SLC25A21: variants seen among roughly 807,000 people sequenced by gnomAD.
The protein encoded by SLC25A21 is mitochondrial 2-oxodicarboxylate carrier.
In SLC25A21, 47 loss-of-function variants were observed where a neutral mutation model predicts 43.8. The ratio of observed to expected loss-of-function variants is 1.07; its 90% CI spans 0.85 to 1.37. SLC25A21 has a LOEUF of 1.37. Ranked by LOEUF, SLC25A21 falls within the 40% of genes most tolerant of loss-of-function variation. The pLI is 0.00. For missense variants in SLC25A21, 352 were observed against 350.2 expected, an observed-to-expected ratio of 1.00 and a Z score of -0.04; for synonymous variants, 131 against 121.3, an observed-to-expected ratio of 1.08 and a Z score of -0.52.
At chr14:37,129,527 C>T (rs192563810) in intron 1 of SLC25A21, among the ~76,000 whole-genome samples, 1 of 152,274 alleles carries the variant, frequency 6.6e-6, no homozygotes, top group Admixed American at 6.5e-5. Context: ...CGTAATCCTA[C>T]ACTTGCAAAC....
chr14:37,072,505 G>C (rs764060983), intron 1 of SLC25A21, among the ~76,000 whole-genome samples: 1 of 152,116 alleles, frequency 6.6e-6, no homozygotes, highest in Non-Finnish European at 1.5e-5. Context: ...AATGTCTCAC[G>C]CCTGTAATCC....
intron 1 of SLC25A21, among the ~76,000 whole-genome samples, chr14:37,065,882 C>G (rs6571777): frequency 0.22 from 33,220 of 152,056 alleles, 4,178 homozygotes; most frequent in Non-Finnish European, 0.28. Flanking sequence ...ATTGAACACT[C>G]TTTTGAATTG....
chr14:36,822,178 T>C (rs1354764906), intron 2 of SLC25A21, among the ~76,000 whole-genome samples: 1 of 152,242 alleles, frequency 6.6e-6, no homozygotes, highest in East Asian at 1.9e-4. Context: ...AATTTAAGCA[T>C]TGCCTTTGCT....
intron 1 of SLC25A21, among the ~76,000 whole-genome samples, chr14:37,109,965 T>G (rs1162503274): frequency 1.3e-5 from 2 of 152,168 alleles, no homozygotes; most frequent in Non-Finnish European, 2.9e-5. Context: ...GCAGCTTAAA[T>G]GTACATAATG....
At chr14:36,816,627 C>G (rs936109367) in intron 2 of SLC25A21, among the ~76,000 whole-genome samples, 8 of 151,844 alleles carry the variant, frequency 5.3e-5, no homozygotes, top group Admixed American at 3.9e-4. Context: ...CTCAGCCTCC[C>G]GAGCTGGGAC....
chr14:36,807,928 T>G (rs1298142863), intron 3 of SLC25A21, among the ~76,000 whole-genome samples: 3 of 152,172 alleles, frequency 2.0e-5, no homozygotes, highest in African/African-American at 7.2e-5. Flanking sequence ...TTTACCAAAT[T>G]AGCCAATTAT....
intron 1 of SLC25A21, among the ~76,000 whole-genome samples, chr14:36,982,457 A>G (rs1232810082): frequency 1.3e-5 from 2 of 152,212 alleles, no homozygotes; most frequent in Non-Finnish European, 2.9e-5. Flanking sequence ...AATTTTAAAA[A>G]TAAGCACAGG....
intron 1 of SLC25A21, among the ~76,000 whole-genome samples, chr14:37,104,228 G>A (rs1962870921): frequency 6.6e-6 from 1 of 152,104 alleles, no homozygotes. Context: ...CTTATAACAG[G>A]GGCTCAAGGG....
intron 1 of SLC25A21, among the ~76,000 whole-genome samples, chr14:36,993,214 C>A (rs768541567): frequency 6.6e-6 from 1 of 152,100 alleles, no homozygotes; most frequent in South Asian, 2.1e-4. Context: ...TCGAGTGTGT[C>A]CCTGTCTATG....
intron 1 of SLC25A21, among the ~76,000 whole-genome samples, chr14:37,085,633 A>T (rs1566870320): frequency 6.6e-6 from 1 of 152,194 alleles, no homozygotes; most frequent in Non-Finnish European, 1.5e-5. Context: ...AATTCAAAAA[A>T]TTATGTATGA....
chr14:36,684,605 T>C, intron 8 of SLC25A21, 139 bp downstream of exon 8: 1 of 707,742 alleles, frequency 1.4e-6, no homozygotes, highest in Non-Finnish European at 2.3e-6. Flanking sequence ...TTGGAAAGTT[T>C]GTCATATATA....
At position 36,988,227 on chromosome 14, in the gene SLC25A21, T is replaced by G. The variant is rs141677995; in HGVS notation, c.71-113223A>C. Among the ~76,000 whole-genome samples the G allele has an allele frequency of 3.0e-4, 45 of 152,298 alleles. No individual in the cohort carries two copies. The East Asian group carries it at 6.0e-3, about 20-fold the overall frequency. On this transcript the variant is annotated intron_variant, in intron 1 of 9. Coordinates refer to ENST00000331299, the MANE Select transcript of SLC25A21 (RefSeq NM_030631.4). ...TTTCCTTATCTGTAAAATGAAATATTAATGCCTATCTTGCTGCAGGGATTA... is the reference window on the plus strand; with the variant it reads ...TTTCCTTATCTGTAAAATGAAATATGAATGCCTATCTTGCTGCAGGGATTA...
At chr14:36,739,338 C>T (rs1290835881) in intron 3 of SLC25A21, among the ~76,000 whole-genome samples, 1 of 152,018 alleles carries the variant, frequency 6.6e-6, no homozygotes, top group East Asian at 1.9e-4. Flanking sequence ...AAAATGAGCC[C>T]TAGGATAAAC....
intron 1 of SLC25A21, among the ~76,000 whole-genome samples, chr14:37,009,830 C>A (rs1357168525): frequency 6.6e-6 from 1 of 152,148 alleles, no homozygotes; most frequent in Non-Finnish European, 1.5e-5. Flanking sequence ...GCACAATCAA[C>A]TATAAATTCT....
At chr14:36,844,004 T>C (rs1204540192) in intron 2 of SLC25A21, among the ~76,000 whole-genome samples, 1 of 152,180 alleles carries the variant, frequency 6.6e-6, no homozygotes, top group Non-Finnish European at 1.5e-5. Context: ...CCCCCCAAAA[T>C]GCTTCCTTAC....
At position 36,781,723 on chromosome 14, in the gene SLC25A21, T is replaced by G. The variant is rs535592363; in HGVS notation, c.203+32195A>C. On this transcript the variant is annotated intron_variant, in intron 3 of 9. Coordinates refer to ENST00000331299, the MANE Select transcript of SLC25A21 (RefSeq NM_030631.4). ...TATAATAATTGCAGTTATAGTTACT[T>G]TTATCACTTTTGTCTTTTAACCATT... Among the ~76,000 whole-genome samples, 3 of 152,350 alleles carry G rather than the reference T, an allele frequency of 2.0e-5. No individual in the cohort carries two copies. The South Asian group carries it at 6.2e-4, about 32-fold the overall frequency.
At chr14:36,915,849 C>T (rs756906688) in intron 1 of SLC25A21, among the ~76,000 whole-genome samples, 17 of 152,034 alleles carry the variant, frequency 1.1e-4, no homozygotes, top group African/African-American at 2.7e-4. Flanking sequence ...TGACCAGTAA[C>T]GATATGACAA....
chr14:36,863,916 C>A lies in SLC25A21; in HGVS notation c.119+11040G>T, dbSNP rs372393915. 5.3e-5 allele frequency among the ~76,000 whole-genome samples: 8 copies of A among 152,196 alleles called. 1 individual carries two copies. Among genetic ancestry groups the A allele is most frequent in the Admixed American group, 2.0e-4 (3 of 15,278 alleles). On this transcript the variant is annotated intron_variant, in intron 2 of 9. Coordinates refer to ENST00000331299, the MANE Select transcript of SLC25A21 (RefSeq NM_030631.4). The stretch of plus-strand genomic sequence containing the variant: ...GAGAAAGATGCAGGGGCAAGACTTT[C>A]TACTGTGGACTCTTCTGAGCTTTCC...
intron 2 of SLC25A21, among the ~76,000 whole-genome samples, chr14:36,851,638 A>C (rs1489281270): frequency 6.6e-6 from 1 of 152,248 alleles, no homozygotes; most frequent in African/African-American, 2.4e-5. Context: ...AGCTACACAA[A>C]AAATGGGGAT....
Sources: allele counts gnomAD v4.1 joint callset (sites outside exome capture counted in the v4.1 genomes callset), GRCh38; gene constraint gnomAD v4.1.1; transcripts MANE v1.5; gene names NCBI Gene and HGNC (gene_info 2026-07-23, HGNC 2026-07-21).